Variants in KCNIP4 observed in about 807,000 individuals in gnomAD.
The protein encoded by KCNIP4 is potassium voltage-gated channel interacting protein 4.
KCNIP4 carries 12 observed loss-of-function variants against 34.0 expected under a neutral mutation model. The observed-to-expected ratio is 0.35, with a 90% CI of 0.23 to 0.57. The LOEUF is 0.57. Ranked by LOEUF, KCNIP4 falls within the 20% of genes least tolerant of loss-of-function variation. The probability of loss-of-function intolerance (pLI) is 0.83; values close to 1 mark genes in which losing one functional copy is unlikely to be tolerated. For missense variants in KCNIP4, 238 were observed against 311.7 expected (o/e 0.76, Z 1.78); for synonymous variants, 124 against 102.2 (o/e 1.21, Z -1.29).
At chr4:21,758,748 G>GTTTCTGCATGCTTCT (rs369630998) in intron 1 of KCNIP4, among the ~76,000 whole-genome samples, 1 of 151,586 alleles carries the variant, frequency 6.6e-6, no homozygotes, top group Non-Finnish European at 1.5e-5. Flanking sequence ...GCCATATATG[G>GTTTCTGCATGCTTCT]GCTGCTTCTG....
At chr4:21,264,408 G>A (rs144136867) in intron 1 of KCNIP4, among the ~76,000 whole-genome samples, 18 of 152,262 alleles carry the variant, frequency 1.2e-4, no homozygotes, top group Admixed American at 2.0e-4. Context: ...ACACTGGCAT[G>A]GAGATGATTA....
intron 1 of KCNIP4, among the ~76,000 whole-genome samples, chr4:21,435,085 C>G (rs768297686): frequency 2.0e-5 from 3 of 152,048 alleles, no homozygotes; most frequent in African/African-American, 7.2e-5. Flanking sequence ...AAACAGGGGT[C>G]GCTCTTTTCT....
At chr4:20,844,829 C>T (rs901802422) in intron 3 of KCNIP4, among the ~76,000 whole-genome samples, 1 of 152,066 alleles carries the variant, frequency 6.6e-6, no homozygotes, top group Non-Finnish European at 1.5e-5. Context: ...TGGAAAAGCC[C>T]CATACAAGAA....
chr4:21,672,793 C>T (rs60396887), intron 1 of KCNIP4, among the ~76,000 whole-genome samples: 2,413 of 152,308 alleles, frequency 0.016, 66 homozygotes, highest in African/African-American at 0.055. Flanking sequence ...TAGCTGGGTG[C>T]TTCTGGCCCA....
chr4:20,842,536 T>C (rs939623333), intron 3 of KCNIP4, among the ~76,000 whole-genome samples: 5 of 131,704 alleles, frequency 3.8e-5, no homozygotes, highest in African/African-American at 1.4e-4. Context: ...TCAAGAAATA[T>C]TTGTTGGATG....
At chr4:21,173,565 G>GA (rs1321207437) in intron 1 of KCNIP4, among the ~76,000 whole-genome samples, 4 of 152,282 alleles carry the variant, frequency 2.6e-5, no homozygotes, top group African/African-American at 9.6e-5. Flanking sequence ...AAGGCTGTAA[G>GA]AAAAATCTTA....
At chr4:21,946,710 G>A (rs1345043413) in intron 1 of KCNIP4, among the ~76,000 whole-genome samples, 1 of 152,056 alleles carries the variant, frequency 6.6e-6, no homozygotes, top group Non-Finnish European at 1.5e-5. Flanking sequence ...AAAAATTTGT[G>A]AATACAATTC....
At chr4:21,685,836 G>A (rs1383183493) in intron 1 of KCNIP4, among the ~76,000 whole-genome samples, 1 of 152,170 alleles carries the variant, frequency 6.6e-6, no homozygotes, top group East Asian at 1.9e-4. Flanking sequence ...TCTAAGTTCA[G>A]GGATTGTGCT....
At chr4:21,805,828 T>C (rs1469219088) in intron 1 of KCNIP4, among the ~76,000 whole-genome samples, 1 of 152,182 alleles carries the variant, frequency 6.6e-6, no homozygotes, top group Admixed American at 6.5e-5. Flanking sequence ...CCATCCAGAC[T>C]GTGGACTTCA....
Position 21,331,162 on chromosome 4 carries a change from G to T in KCNIP4, c.62-448453C>A, listed in dbSNP as rs139280762. ...TTGACTATTTTTTTTTGCTCTGTGG[G>T]CTAAAACTAATATGCAGATACAGTT... is the stretch of plus-strand genomic sequence containing the variant. On this transcript the variant is annotated intron_variant, in intron 1 of 8. Transcript: ENST00000382152. 7.4e-4 allele frequency among the ~76,000 whole-genome samples: 113 copies of T among 151,856 alleles called. No individual in the cohort carries two copies. The East Asian group carries it at 0.019, about 26-fold the overall frequency.
Position 21,420,773 on chromosome 4 carries a change from C to A in KCNIP4, c.61+527798G>T, listed in dbSNP as rs1431902557. On this transcript the variant is annotated intron_variant, in intron 1 of 8. Transcript: ENST00000382152. ...TAATCTCAAAAGCAAAGGCAACAAG[C>A]AAAAGCAGATAAATAAGATTAATTT... is the stretch of plus-strand genomic sequence containing the variant. Among the ~76,000 whole-genome samples the A allele has an allele frequency of 2.6e-5, 4 of 152,150 alleles. No individual in the cohort carries two copies. In the East Asian group the frequency reaches 7.7e-4, roughly 29 times the overall value.
intron 3 of KCNIP4, among the ~76,000 whole-genome samples, chr4:20,792,938 A>T (rs1299350714): frequency 6.6e-6 from 1 of 152,212 alleles, no homozygotes; most frequent in African/African-American, 2.4e-5. Context: ...TGAGGATGTA[A>T]ACAAACTAAA....
intron 1 of KCNIP4, among the ~76,000 whole-genome samples, chr4:21,519,709 TGTGTATATATACACAC>T (rs2109950944): frequency 7.2e-6 from 1 of 139,188 alleles, no homozygotes; most frequent in Non-Finnish European, 1.5e-5. Context: ...TGTGTATGTA[TGTGTATATATACACAC>T]GTGTGTATAT....
chr4:21,761,881 AACAC>A (rs1718083498), intron 1 of KCNIP4, among the ~76,000 whole-genome samples: 1 of 152,152 alleles, frequency 6.6e-6, no homozygotes, highest in African/African-American at 2.4e-5. Flanking sequence ...CACACAACTC[AACAC>A]TTCCATGATG....
chr4:21,471,135 GT>G (rs1560438267), intron 1 of KCNIP4, among the ~76,000 whole-genome samples: 1 of 152,128 alleles, frequency 6.6e-6, no homozygotes, highest in Non-Finnish European at 1.5e-5. Context: ...TGAGAACTAG[GT>G]TTGTATAAGT....
chr4:21,020,756 G>A (rs1739959362), intron 1 of KCNIP4, among the ~76,000 whole-genome samples: 1 of 152,086 alleles, frequency 6.6e-6, no homozygotes, highest in Non-Finnish European at 1.5e-5. Flanking sequence ...TCTTCCAGAT[G>A]GTTATGCAAA....
At chr4:21,869,547 G>A (rs991782302) in intron 1 of KCNIP4, among the ~76,000 whole-genome samples, 5 of 152,146 alleles carry the variant, frequency 3.3e-5, no homozygotes, top group Admixed American at 6.5e-5. Context: ...CCAAATTCCA[G>A]GGCCCCAGAC....
At chr4:21,128,735 T>C (rs888730247) in intron 1 of KCNIP4, among the ~76,000 whole-genome samples, 2 of 152,238 alleles carry the variant, frequency 1.3e-5, no homozygotes, top group East Asian at 1.9e-4. Context: ...CATCTTTGGC[T>C]TACGTTATTA....
At chr4:21,916,897 T>A (rs1291933182) in intron 1 of KCNIP4, among the ~76,000 whole-genome samples, 3 of 152,286 alleles carry the variant, frequency 2.0e-5, no homozygotes, top group Admixed American at 6.5e-5. Flanking sequence ...CTAAATACTG[T>A]AAGTTCTCTT....
Sources: allele counts gnomAD v4.1 joint callset (sites outside exome capture counted in the v4.1 genomes callset), GRCh38; gene constraint gnomAD v4.1.1; transcripts MANE v1.5; gene names NCBI Gene and HGNC (gene_info 2026-07-23, HGNC 2026-07-21).